ANO10: variants seen among roughly 807,000 people sequenced by gnomAD.
ANO10 encodes anoctamin 10, also known as anoctamin-10.
In ANO10, 77 loss-of-function variants were observed where a neutral mutation model predicts 74.7. That is an observed-to-expected ratio of 1.03 (90% CI 0.86 to 1.25). The LOEUF is 1.25. ANO10 is among the 50% of genes most tolerant of loss of function. ANO10 has a pLI of 0.00. For missense variants in ANO10, 721 were observed against 778.1 expected, an observed-to-expected ratio of 0.93 and a Z score of 0.87; for synonymous variants, 279 against 284.9, an observed-to-expected ratio of 0.98 and a Z score of 0.21.
At chr3:43,578,824 T>G (rs898090497) in intron 5 of ANO10, among the ~76,000 whole-genome samples, 1 of 145,622 alleles carries the variant, frequency 6.9e-6, no homozygotes, top group Non-Finnish European at 1.5e-5. Context: ...GAGGCAATAT[T>G]CAAATTTCCT....
intron 11 of ANO10, among the ~76,000 whole-genome samples, chr3:43,519,147 T>G (rs2077839617): frequency 6.6e-6 from 1 of 152,024 alleles, no homozygotes; most frequent in Non-Finnish European, 1.5e-5. Flanking sequence ...TTAGGGAAAA[T>G]AGAAAAGAAC....
intron 1 of ANO10, among the ~76,000 whole-genome samples, chr3:43,628,613 C>G (rs1278024071): frequency 6.6e-6 from 1 of 152,188 alleles, no homozygotes; most frequent in African/African-American, 2.4e-5. Flanking sequence ...TATTTCTCTT[C>G]TTTCAAAAGC....
intron 12 of ANO10, among the ~76,000 whole-genome samples, chr3:43,374,580 A>T (rs2091733918): frequency 6.6e-6 from 1 of 152,056 alleles, no homozygotes; most frequent in Non-Finnish European, 1.5e-5. Context: ...AATATCACCC[A>T]ACTATCCACT....
At chr3:43,368,934 A>G (rs779983245) in intron 12 of ANO10, among the ~76,000 whole-genome samples, 31 of 152,226 alleles carry the variant, frequency 2.0e-4, no homozygotes, top group Non-Finnish European at 4.0e-4. Context: ...GGCATTCCAC[A>G]TGGGGAAGAA....
At chr3:43,378,763 TCTATAGAGC>T (rs1388486864) in intron 12 of ANO10, among the ~76,000 whole-genome samples, 1 of 152,158 alleles carries the variant, frequency 6.6e-6, no homozygotes, top group Non-Finnish European at 1.5e-5. Flanking sequence ...AGGCACCCCT[TCTATAGAGC>T]CTGGGTAAAG....
Position 43,447,835 on chromosome 3 carries a change from T to A in ANO10, c.1798-15108A>T, listed in dbSNP as rs143073075. On this transcript the variant is annotated intron_variant, in intron 11 of 12. Coordinates refer to ENST00000292246, the MANE Select transcript of ANO10 (RefSeq NM_018075.5). ...TATTGTTCATCTGCTACAATTGATGTACCAATACTGATACTTTATTATCAA... is the reference window on the plus strand; with the variant it reads ...TATTGTTCATCTGCTACAATTGATGAACCAATACTGATACTTTATTATCAA... 7.2e-4 allele frequency among the ~76,000 whole-genome samples: 110 copies of A among 152,350 alleles called. 1 individual carries two copies. The highest frequency in any genetic ancestry group is 2.2e-3 in the African/African-American group (92 of 41,586).
chr3:43,610,884 T>C (rs895465035), intron 1 of ANO10, among the ~76,000 whole-genome samples: 1 of 152,198 alleles, frequency 6.6e-6, no homozygotes, highest in Non-Finnish European at 1.5e-5. Flanking sequence ...CCTATGAAAT[T>C]GTATCCTATT....
chr3:43,536,542 T>A (rs1239117439), intron 11 of ANO10, among the ~76,000 whole-genome samples: 2 of 152,204 alleles, frequency 1.3e-5, no homozygotes, highest in Non-Finnish European at 2.9e-5. Flanking sequence ...CCTCACCTCA[T>A]TAATTTCCTC....
At chr3:43,676,800 A>G (rs1376821910) in intron 1 of ANO10, among the ~76,000 whole-genome samples, 4 of 151,962 alleles carry the variant, frequency 2.6e-5, no homozygotes, top group Non-Finnish European at 5.9e-5. Flanking sequence ...CTAAAAAAAG[A>G]CTTTGTGAAA....
At chr3:43,445,048 G>A (rs190632662) in intron 11 of ANO10, among the ~76,000 whole-genome samples, 8 of 151,096 alleles carry the variant, frequency 5.3e-5, no homozygotes, top group Non-Finnish European at 1.0e-4. Context: ...GCATGAACCC[G>A]GGAGGAGGAG....
chr3:43,437,397 G>A (rs1285296486), intron 11 of ANO10, among the ~76,000 whole-genome samples: 2 of 152,242 alleles, frequency 1.3e-5, no homozygotes, highest in Non-Finnish European at 2.9e-5. Context: ...AGAAGCTGGG[G>A]TCATAGGGAC....
In ANO10 at chr3:43,577,106, T is replaced by A; in HGVS notation, c.748A>T (p.Asn250Tyr). The part of the protein sequence containing the change: ...YDKYVIFASF[N>Y]LIWSTVILEL... Reference sequence around the variant, plus strand: ...AGAATCACCGTGGACCAGATGAGGTTGAACGAGGCAAAGATCACGTACTTG... The same window carrying A: ...AGAATCACCGTGGACCAGATGAGGTAGAACGAGGCAAAGATCACGTACTTG... Residue 250 changes from asparagine (N) to tyrosine (Y), a missense_variant, in exon 6 of 13, where the codon AAC becomes TAC. Transcript: ENST00000292246. 1 of 1,614,154 alleles carries A rather than the reference T, an allele frequency of 6.2e-7. No homozygotes were observed.
intron 1 of ANO10, among the ~76,000 whole-genome samples, chr3:43,650,299 A>G (rs2083772953): frequency 6.6e-6 from 1 of 152,142 alleles, no homozygotes; most frequent in Non-Finnish European, 1.5e-5. Context: ...AACTCCTCCC[A>G]GTGTTCCTTC....
intron 11 of ANO10, among the ~76,000 whole-genome samples, chr3:43,445,005 C>T (rs191995827): frequency 2.0e-5 from 3 of 151,958 alleles, no homozygotes; most frequent in South Asian, 4.2e-4. Context: ...TGCCTATAGT[C>T]CCAGCTACTC....
intron 12 of ANO10, among the ~76,000 whole-genome samples, chr3:43,379,556 G>C (rs191305396): frequency 5.2e-4 from 79 of 152,284 alleles, no homozygotes; most frequent in Non-Finnish European, 9.7e-4. Flanking sequence ...AGGCTCTGTG[G>C]GACAGCCAGG....
chr3:43,646,244 A>G, intron 1 of ANO10, among the ~76,000 whole-genome samples: 1 of 152,248 alleles, frequency 6.6e-6, no homozygotes, highest in East Asian at 1.9e-4. Flanking sequence ...CTCTGATACA[A>G]TGTGAAAACA....
At chr3:43,499,412 G>A (rs2077022180) in intron 11 of ANO10, among the ~76,000 whole-genome samples, 1 of 152,168 alleles carries the variant, frequency 6.6e-6, no homozygotes. Flanking sequence ...GTTTGGCAGA[G>A]GAAGTCTGTC....
At chr3:43,471,100 G>A (rs1054247006) in intron 11 of ANO10, among the ~76,000 whole-genome samples, 1 of 152,042 alleles carries the variant, frequency 6.6e-6, no homozygotes, top group Non-Finnish European at 1.5e-5. Flanking sequence ...ATTTTTAGAA[G>A]GATGCTATAA....
intron 12 of ANO10, among the ~76,000 whole-genome samples, chr3:43,390,807 G>A (rs1314520833): frequency 1.3e-5 from 2 of 152,210 alleles, no homozygotes; most frequent in African/African-American, 4.8e-5. Flanking sequence ...ACAACTTTAT[G>A]AGTAGAATGA....
Sources: gnomAD v4.1 joint callset for allele counts (sites outside exome capture counted in the v4.1 genomes callset) on GRCh38, gnomAD v4.1.1 for gene constraint, MANE v1.5 for transcripts, NCBI Gene and HGNC (gene_info 2026-07-23, HGNC 2026-07-21) for gene names.